Variants in SHOC2 observed in about 807,000 individuals in gnomAD.
The protein encoded by SHOC2 is SHOC2 leucine rich repeat scaffold protein.
Under a neutral mutation model 50.2 loss-of-function variants are expected in SHOC2, and 4 were observed. The ratio of observed to expected loss-of-function variants is 0.08; its 90% CI spans 0.04 to 0.18. The LOEUF (loss-of-function observed/expected upper bound fraction) is 0.18, where lower values mean the gene tolerates loss of function less well. SHOC2 is among the 10% of genes least tolerant of loss of function. SHOC2 has a pLI of 1.00. For synonymous variants in SHOC2, 218 were observed against 244.5 expected (o/e 0.89, Z 1.01); for missense variants, 388 against 669.6 (o/e 0.58, Z 4.64).
At position 110,919,606 on chromosome 10, in the gene SHOC2, AGAG is replaced by A. The variant is rs1478658928; in HGVS notation, c.-280_-278del. 1 of 395,916 alleles carries A rather than the reference AGAG, an allele frequency of 2.5e-6. No homozygotes were observed. The highest frequency in any genetic ancestry group is 4.4e-6 in the Non-Finnish European group (1 of 225,384). The allele number at this position is 395,916 out of a possible 1,614,324, so 24.5% of individuals were successfully genotyped here. A position where few individuals can be genotyped will look rare whatever the true frequency, so the allele number is the denominator to read the frequency against. On this transcript the variant is annotated 5_prime_UTR_variant, in exon 1 of 9. Transcript: ENST00000369452. ...GCGTCGCTTCTTAGGAGGAGGAGGAAGAGGAGGAAGGAGGGCGAGCGAGGAGGA... is the reference window on the plus strand; with the variant it reads ...GCGTCGCTTCTTAGGAGGAGGAGGAAGAGGAAGGAGGGCGAGCGAGGAGGA...
chr10:110,987,702 C>G (rs551511600), intron 3 of SHOC2, among the ~76,000 whole-genome samples: 96 of 151,276 alleles, frequency 6.3e-4, no homozygotes, highest in Non-Finnish European at 1.1e-3. Flanking sequence ...TTGAAATGGC[C>G]AAGATGAACA....
chr10:110,944,936 C>T (rs1847219147), intron 1 of SHOC2, among the ~76,000 whole-genome samples: 1 of 152,182 alleles, frequency 6.6e-6, no homozygotes, highest in African/African-American at 2.4e-5. Flanking sequence ...CTGCCTTGTC[C>T]TTATGTCCTG....
chr10:110,995,015 A>G (rs539252839), intron 3 of SHOC2, among the ~76,000 whole-genome samples: 3 of 152,342 alleles, frequency 2.0e-5, no homozygotes, highest in East Asian at 3.9e-4. Context: ...TCTGTGTTTC[A>G]TAGACATGCT....
intron 1 of SHOC2, among the ~76,000 whole-genome samples, chr10:110,931,069 A>G (rs1339431340): frequency 6.6e-6 from 1 of 152,092 alleles, no homozygotes; most frequent in African/African-American, 2.4e-5. Context: ...ATAAGAAGTA[A>G]TGCAGGTTTC....
chr10:110,958,522 T>C (rs1035009075), intron 1 of SHOC2, among the ~76,000 whole-genome samples: 8 of 152,146 alleles, frequency 5.3e-5, no homozygotes, highest in African/African-American at 1.9e-4. Flanking sequence ...CATCCATCCA[T>C]TTCTAAATAT....
At chr10:110,984,088 A>G (rs1341124810) in intron 2 of SHOC2, among the ~76,000 whole-genome samples, 1 of 152,176 alleles carries the variant, frequency 6.6e-6, no homozygotes, top group African/African-American at 2.4e-5. Context: ...ACCACTGTAC[A>G]GTTTTTCACA....
intron 8 of SHOC2, among the ~76,000 whole-genome samples, chr10:111,011,251 A>T (rs1848561134): frequency 1.3e-5 from 2 of 152,202 alleles, no homozygotes; most frequent in African/African-American, 4.8e-5. Flanking sequence ...TGGAGTTTTA[A>T]AATATATATA....
Position 111,011,838 on chromosome 10 carries a change from C to CA in SHOC2, c.*21dup. On this transcript the variant is annotated 3_prime_UTR_variant, in exon 9 of 9. Coordinates refer to ENST00000369452, the MANE Select transcript of SHOC2 (RefSeq NM_007373.4). ...GTCTGATATAAATCTGCTGGTCCCA[C>CA]ACACTGTTCAAAAATAGACTGCCAT... 1.9e-6 allele frequency: 3 copies of CA among 1,577,994 alleles called. No homozygotes were observed. Among genetic ancestry groups the CA allele is most frequent in the Non-Finnish European group, 2.6e-6 (3 of 1,147,228 alleles).
intron 3 of SHOC2, among the ~76,000 whole-genome samples, chr10:110,990,885 T>C (rs1047413640): frequency 2.0e-5 from 3 of 152,240 alleles, no homozygotes; most frequent in Non-Finnish European, 4.4e-5. Flanking sequence ...CATTGATGTT[T>C]AGTCACTATG....
chr10:110,985,362 C>G (rs1191331184), intron 2 of SHOC2, among the ~76,000 whole-genome samples: 1 of 151,926 alleles, frequency 6.6e-6, no homozygotes, highest in East Asian at 1.9e-4. Flanking sequence ...CAGATGTCAT[C>G]TTGAAGTAGT....
At chr10:110,990,454 CTG>C (rs1848161531) in intron 3 of SHOC2, among the ~76,000 whole-genome samples, 1 of 152,144 alleles carries the variant, frequency 6.6e-6, no homozygotes, top group South Asian at 2.1e-4. Context: ...AATCAACACT[CTG>C]TATCTAGCTG....
rs1173915160 is a variant in SHOC2 at position 110,981,737 on chromosome 10, CATTG to C, written c.704-3883_704-3880del. 2.0e-5 allele frequency among the ~76,000 whole-genome samples: 3 copies of C among 151,964 alleles called. No individual in the cohort carries two copies. The South Asian group carries it at 6.2e-4, about 31-fold the overall frequency. ...TTTAGACTGTTGATATGGTAAATAA[CATTG>C]ATTGATTTTCAAATATTAAACCCAC... On this transcript the variant is annotated intron_variant, in intron 2 of 8. Transcript: ENST00000369452.
intron 1 of SHOC2, among the ~76,000 whole-genome samples, chr10:110,961,381 C>G (rs979453699): frequency 6.6e-6 from 1 of 152,096 alleles, no homozygotes; most frequent in African/African-American, 2.4e-5. Context: ...ACAGTGTCAC[C>G]TGATTCAGGT....
rs1381147331 is a variant in SHOC2, at chr10:111,012,754, C to T, written c.*936C>T. On this transcript the variant is annotated 3_prime_UTR_variant, in exon 9 of 9. Transcript: ENST00000369452. ...TATGTATTTATTATATCATAAACTA[C>T]AGTAGGTAACTTTAAGGATTTCTTC... 6.6e-6 allele frequency: 1 copy of T among 152,538 alleles called. No homozygotes were observed. The highest frequency in any genetic ancestry group is 1.5e-5 in the Non-Finnish European group (1 of 68,024). 9.4% of individuals were successfully genotyped at this position (152,538 alleles called of 1,614,324 possible). A position where few individuals can be genotyped will look rare whatever the true frequency, so the allele number is the denominator to read the frequency against.
chr10:110,925,449 T>G (rs186371890), intron 1 of SHOC2, among the ~76,000 whole-genome samples: 163 of 152,278 alleles, frequency 1.1e-3, no homozygotes, highest in Middle Eastern at 3.4e-3. Context: ...TTTTTGTTTT[T>G]GTTTTGGTTT....
intron 3 of SHOC2, chr10:110,989,092 AGAACATTCCT>A: frequency 2.1e-6 from 1 of 478,332 alleles, no homozygotes. Flanking sequence ...ATTGTGGTCA[AGAACATTCCT>A]GATAGGACTT....
At chr10:110,986,314 C>T (rs1028107202) in intron 3 of SHOC2, among the ~76,000 whole-genome samples, 8 of 151,890 alleles carry the variant, frequency 5.3e-5, no homozygotes, top group African/African-American at 7.3e-5. Context: ...CTTATTTTTC[C>T]GATTGCCCAT....
intron 1 of SHOC2, among the ~76,000 whole-genome samples, chr10:110,958,238 C>G (rs1481799051): frequency 6.9e-6 from 1 of 145,702 alleles, no homozygotes; most frequent in Admixed American, 7.0e-5. Context: ...TTTTTTAAGA[C>G]GGAGTCTTGC....
At chr10:111,000,774 GA>G (rs1433242156) in intron 4 of SHOC2, among the ~76,000 whole-genome samples, 1 of 152,086 alleles carries the variant, frequency 6.6e-6, no homozygotes, top group Non-Finnish European at 1.5e-5. Flanking sequence ...AAGAAAAAGG[GA>G]AAAACTAGGA....
Sources: allele counts gnomAD v4.1 joint callset (sites outside exome capture counted in the v4.1 genomes callset), GRCh38; gene constraint gnomAD v4.1.1; transcripts MANE v1.5; gene names NCBI Gene and HGNC (gene_info 2026-07-23, HGNC 2026-07-21).